The following TMTC4 variants were observed in gnomAD, a reference collection of about 807,000 sequenced individuals.
TMTC4 encodes transmembrane O-mannosyltransferase targeting cadherins 4.
TMTC4 carries 65 observed loss-of-function variants against 86.0 expected under a neutral mutation model. That is an observed-to-expected ratio of 0.76 (90% CI 0.62 to 0.93). The LOEUF is 0.93. Among genes scored for constraint, TMTC4 ranks in the 40% least tolerant of loss-of-function variants. TMTC4 has a pLI of 0.00. For synonymous variants in TMTC4, 379 were observed against 382.5 expected, an observed-to-expected ratio of 0.99 and a Z score of 0.11; for missense variants, 866 against 948.1, an observed-to-expected ratio of 0.91 and a Z score of 1.14.
At chr13:100,633,835 T>C (rs1429939347) in intron 12 of TMTC4, among the ~76,000 whole-genome samples, 1 of 130,050 alleles carries the variant, frequency 7.7e-6, no homozygotes, top group Non-Finnish European at 1.8e-5. Context: ...TATCTAAACA[T>C]AGAAAAGAGG....
intron 15 of TMTC4, among the ~76,000 whole-genome samples, chr13:100,617,483 C>A (rs1259295166): frequency 6.6e-6 from 1 of 152,154 alleles, no homozygotes; most frequent in Non-Finnish European, 1.5e-5. Context: ...AATTTTTAAT[C>A]TATCTTGAGT....
At position 100,665,862 on chromosome 13, in the gene TMTC4, A is replaced by C. The variant is rs946843; in HGVS notation, c.220-1526T>G. 4.9e-3 allele frequency: 1,650 copies of C among 333,338 alleles called. 29 individuals are homozygous for C. Among genetic ancestry groups the C allele is most frequent in the East Asian group, 0.02 (243 of 12,366 alleles). The allele number at this position is 333,338 out of a possible 1,614,324, so 20.6% of individuals were successfully genotyped here. On this transcript the variant is annotated intron_variant, in intron 3 of 18. Transcript: ENST00000342624. ...TGCTTCCATGGGCATCGGCTTCAGAAGCCAGGAGCACACTGACCACTCCCC... is the reference window on the plus strand; with the variant it reads ...TGCTTCCATGGGCATCGGCTTCAGACGCCAGGAGCACACTGACCACTCCCC...
chr13:100,651,233 G>A (rs970073509), intron 6 of TMTC4, among the ~76,000 whole-genome samples: 3 of 152,082 alleles, frequency 2.0e-5, no homozygotes, highest in Non-Finnish European at 4.4e-5. Flanking sequence ...GGCTATTCTA[G>A]CAAGTTTAAT....
At chr13:100,622,866 T>A (rs889981668) in intron 15 of TMTC4, among the ~76,000 whole-genome samples, 3 of 152,160 alleles carry the variant, frequency 2.0e-5, no homozygotes, top group African/African-American at 7.2e-5. Flanking sequence ...AACACAAGCA[T>A]TACTCGTCCA....
chr13:100,637,940 T>G lies in TMTC4; in HGVS notation c.824A>C (p.Lys275Thr). 1 of 1,612,814 alleles carries G rather than the reference T, an allele frequency of 6.2e-7. No individual in the cohort carries two copies. Among genetic ancestry groups the G allele is most frequent in the Non-Finnish European group, 8.5e-7 (1 of 1,179,270 alleles). The change falls in exon 8 of 19, where the codon AAG becomes ACG. Residue 275 changes from lysine to threonine, a missense_variant. By Grantham distance (78) the Lys-to-Thr change is moderately conservative. Transcript: ENST00000342624. ...EIVQKVLHKDKSLENLGMLRN... is the reference protein window; with the variant it reads ...EIVQKVLHKDTSLENLGMLRN... ...AAAGTACAGACTCACCTCTAATGACTTGTCCTTATGTAGTACCTTCTGGAC... is the reference window on the plus strand; with the variant it reads ...AAAGTACAGACTCACCTCTAATGACGTGTCCTTATGTAGTACCTTCTGGAC...
At chr13:100,622,762 G>C (rs1414712494) in intron 15 of TMTC4, among the ~76,000 whole-genome samples, 1 of 151,852 alleles carries the variant, frequency 6.6e-6, no homozygotes, top group Non-Finnish European at 1.5e-5. Flanking sequence ...CTTCACTTTA[G>C]TATTTCTTTT....
At chr13:100,674,485 C>A in intron 1 of TMTC4, 5 of 730,476 alleles carry the variant, frequency 6.8e-6, no homozygotes, top group Non-Finnish European at 8.3e-6. Context: ...GGGGCCCGAG[C>A]GCGGCGGGCG....
chr13:100,674,905 C>G (rs1339963607), upstream of TMTC4: 2 of 984,704 alleles, frequency 2.0e-6, no homozygotes, highest in African/African-American at 1.8e-5. Context: ...CGGGCGCCCC[C>G]CAGCACCAGT....
intron 6 of TMTC4, among the ~76,000 whole-genome samples, chr13:100,646,698 A>T (rs1378308700): frequency 6.6e-6 from 1 of 152,204 alleles, no homozygotes; most frequent in Non-Finnish European, 1.5e-5. Flanking sequence ...ACTGAATACC[A>T]TTACACAACA....
intron 5 of TMTC4, 100 bp downstream of exon 5, chr13:100,662,864 A>G (rs1885942026): frequency 8.0e-7 from 1 of 1,249,604 alleles, no homozygotes; most frequent in African/African-American, 1.5e-5. Context: ...TGGAACCAAG[A>G]TGGGTACATA....
chr13:100,668,073 C>A (rs929700930), intron 3 of TMTC4, among the ~76,000 whole-genome samples: 1 of 152,214 alleles, frequency 6.6e-6, no homozygotes, highest in Non-Finnish European at 1.5e-5. Context: ...GCAGCACATT[C>A]CTCCTGCCCC....
intron 7 of TMTC4, among the ~76,000 whole-genome samples, chr13:100,641,220 A>G (rs978875283): frequency 2.0e-5 from 3 of 152,248 alleles, no homozygotes; most frequent in Non-Finnish European, 4.4e-5. Flanking sequence ...CTCTGAGAAC[A>G]AAGTCCCACT....
At position 100,641,600 on chromosome 13, in the gene TMTC4, G is replaced by A. The variant is rs568354054; in HGVS notation, c.741+611C>T. Among the ~76,000 whole-genome samples, 9 of 152,206 alleles carry A rather than the reference G, an allele frequency of 5.9e-5. No individual in the cohort carries two copies. The South Asian group carries it at 1.7e-3, about 28-fold the overall frequency. On this transcript the variant is annotated intron_variant, in intron 7 of 18. Coordinates refer to ENST00000342624, the MANE Select transcript of TMTC4 (RefSeq NM_032813.5). Reference sequence around the variant, plus strand: ...CCTCCTGGGTTCAAGCGATTCACCTGCCTCAACCTCCTGAGTAGCTGGGAT... The same window carrying A: ...CCTCCTGGGTTCAAGCGATTCACCTACCTCAACCTCCTGAGTAGCTGGGAT...
At chr13:100,657,199 G>A (rs1461662709) in intron 5 of TMTC4, among the ~76,000 whole-genome samples, 2 of 152,172 alleles carry the variant, frequency 1.3e-5, no homozygotes, top group Non-Finnish European at 2.9e-5. Context: ...AAAATAAAAT[G>A]TGATTGGAAA....
chr13:100,666,252 T>G, intron 3 of TMTC4: 1 of 332,942 alleles, frequency 3.0e-6, no homozygotes, highest in Non-Finnish European at 5.9e-6. Context: ...AGGAAGCATC[T>G]GGAAAACAGT....
rs1239857417 is a variant in TMTC4, at chr13:100,637,643, T to A, written c.894A>T (p.Gly298=). Reference sequence around the variant, plus strand: ...AGCGCACGTAGAGCATCCCAGCCCCTCCAGAGGTGAGCAGGGTCATTCTGA... The same window carrying A: ...AGCGCACGTAGAGCATCCCAGCCCCACCAGAGGTGAGCAGGGTCATTCTGA... The part of the protein sequence containing the change: ...LLFRMTLLTS[G]GAGMLYVRWR... Residue 298 remains glycine, a synonymous_variant, in exon 9 of 19, where the codon GGA becomes GGT. Coordinates refer to ENST00000342624, the MANE Select transcript of TMTC4 (RefSeq NM_032813.5). 6.2e-7 allele frequency: 1 copy of A among 1,613,964 alleles called. No homozygotes were observed. The highest frequency in any genetic ancestry group is 1.7e-5 in the Admixed American group (1 of 59,996).
At chr13:100,674,683 G>A in intron 1 of TMTC4, 61 bp downstream of exon 1, 1 of 982,600 alleles carries the variant, frequency 1.0e-6, no homozygotes, top group Non-Finnish European at 1.2e-6. Context: ...CGCCCGCTCC[G>A]CGTCCAACTC....
rs75650574 is a variant in TMTC4 at position 100,666,160 on chromosome 13, T to C, written c.220-1824A>G. The C allele has an allele frequency of 3.0e-3, 1,255 of 419,074 alleles. 20 individuals carry two copies. Among genetic ancestry groups the C allele is most frequent in the East Asian group, 0.021 (283 of 13,802 alleles). 26.0% of individuals were successfully genotyped at this position (419,074 alleles called of 1,614,324 possible). A position where few individuals can be genotyped will look rare whatever the true frequency, so the allele number is the denominator to read the frequency against. On this transcript the variant is annotated intron_variant, in intron 3 of 18. Coordinates refer to ENST00000342624, the MANE Select transcript of TMTC4 (RefSeq NM_032813.5). ...CATAATGATTTATGGAAAAGATGTATTGTGTCTAAAATTCCCCCTAACTCC... is the reference window on the plus strand; with the variant it reads ...CATAATGATTTATGGAAAAGATGTACTGTGTCTAAAATTCCCCCTAACTCC...
At chr13:100,625,097 T>C (rs1880248497) in intron 15 of TMTC4, 1 of 166,964 alleles carries the variant, frequency 6.0e-6, no homozygotes, top group East Asian at 1.6e-4. Context: ...AAATGCTCCC[T>C]GCAGATGAAG....
Sources: allele counts gnomAD v4.1 joint callset (sites outside exome capture counted in the v4.1 genomes callset), GRCh38; gene constraint gnomAD v4.1.1; transcripts MANE v1.5; gene names NCBI Gene and HGNC (gene_info 2026-07-23, HGNC 2026-07-21).